Variants in CHST9 observed in about 807,000 individuals in gnomAD.
The protein encoded by CHST9 is GalNAc-4-sulfotransferase 2.
CHST9 carries 41 observed loss-of-function variants against 44.4 expected under a neutral mutation model. The ratio of observed to expected loss-of-function variants is 0.92; its 90% confidence interval spans 0.72 to 1.20. The LOEUF is 1.20. CHST9 is among the 50% of genes most tolerant of loss of function. CHST9 has a pLI of 0.00. For synonymous variants in CHST9, 171 were observed against 178.4 expected (o/e 0.96, Z 0.33); for missense variants, 504 against 516.5 (o/e 0.98, Z 0.23).
At chr18:27,024,761 T>G in intron 3 of CHST9, among the ~76,000 whole-genome samples, 1 of 152,132 alleles carries the variant, frequency 6.6e-6, no homozygotes, top group East Asian at 1.9e-4. Flanking sequence ...ATATTTAAAT[T>G]ATCCAGAACG....
chr18:27,000,945 C>T (rs1941113), intron 4 of CHST9, among the ~76,000 whole-genome samples: 44,695 of 151,922 alleles, frequency 0.29, 7,842 homozygotes, highest in African/African-American at 0.49. Context: ...TTAGAACAAA[C>T]GGAAGTTCTA....
At chr18:26,962,678 G>A (rs2056415515) in intron 4 of CHST9, among the ~76,000 whole-genome samples, 1 of 152,288 alleles carries the variant, frequency 6.6e-6, no homozygotes, top group South Asian at 2.1e-4. Context: ...CTGATAGTTG[G>A]TGCCTTTCAC....
intron 1 of CHST9, among the ~76,000 whole-genome samples, chr18:27,156,647 G>A (rs1209772198): frequency 6.6e-6 from 1 of 152,080 alleles, no homozygotes; most frequent in Admixed American, 6.5e-5. Context: ...AAAACGAGCA[G>A]CATTTAAGAG....
intron 2 of CHST9, among the ~76,000 whole-genome samples, chr18:27,063,859 C>A (rs1052232746): frequency 6.2e-5 from 9 of 144,228 alleles, no homozygotes; most frequent in Non-Finnish European, 6.1e-5. Flanking sequence ...GTATTCAAAT[C>A]TGGGTGAGGG....
At chr18:26,966,534 C>T (rs2056466965) in intron 4 of CHST9, among the ~76,000 whole-genome samples, 1 of 152,168 alleles carries the variant, frequency 6.6e-6, no homozygotes, top group South Asian at 2.1e-4. Context: ...ATTTAAACGT[C>T]TTTGATGAAA....
At chr18:27,015,071 T>A (rs375262482) in intron 4 of CHST9, among the ~76,000 whole-genome samples, 39 of 152,308 alleles carry the variant, frequency 2.6e-4, no homozygotes, top group African/African-American at 5.1e-4. Context: ...AGCCTCTTCC[T>A]AAAACTAGGT....
At chr18:26,970,105 G>A (rs1345655384) in intron 4 of CHST9, among the ~76,000 whole-genome samples, 1 of 152,134 alleles carries the variant, frequency 6.6e-6, no homozygotes, top group Admixed American at 6.5e-5. Context: ...TGCCCACAGT[G>A]AGATTATCAT....
chr18:26,965,199 C>G (rs543871288), intron 4 of CHST9, among the ~76,000 whole-genome samples: 1 of 152,150 alleles, frequency 6.6e-6, no homozygotes, highest in African/African-American at 2.4e-5. Context: ...ATGTGAGTGT[C>G]CCCTGGCTGG....
At chr18:27,141,994 C>A (rs1215167372) in intron 2 of CHST9, among the ~76,000 whole-genome samples, 1 of 152,096 alleles carries the variant, frequency 6.6e-6, no homozygotes, top group Non-Finnish European at 1.5e-5. Context: ...GCAGCAATTG[C>A]AAATTGAAAG....
intron 2 of CHST9, among the ~76,000 whole-genome samples, chr18:27,070,960 C>A (rs1014028367): frequency 6.6e-6 from 1 of 152,168 alleles, no homozygotes; most frequent in African/African-American, 2.4e-5. Context: ...CCCCCCAGTA[C>A]CCCACAGGGT....
chr18:27,028,593 G>C (rs1430646117), intron 3 of CHST9, among the ~76,000 whole-genome samples: 1 of 152,022 alleles, frequency 6.6e-6, no homozygotes, highest in Non-Finnish European at 1.5e-5. Flanking sequence ...AGTCGCCCAG[G>C]CTGGAGTGCA....
chr18:26,995,046 C>G (rs1239398423), intron 4 of CHST9, among the ~76,000 whole-genome samples: 1 of 151,750 alleles, frequency 6.6e-6, no homozygotes, highest in Non-Finnish European at 1.5e-5. Flanking sequence ...CTTGGGCAAC[C>G]CTGCGGAGGG....
intron 2 of CHST9, among the ~76,000 whole-genome samples, chr18:27,089,576 G>T (rs1598714834): frequency 6.6e-6 from 1 of 152,118 alleles, no homozygotes; most frequent in Non-Finnish European, 1.5e-5. Flanking sequence ...TTGCTATTGT[G>T]AATAGTGCTG....
In CHST9 at chr18:27,054,005, C is replaced by A. The variant is rs1314656130; in HGVS notation, c.122-5502G>T. On this transcript the variant is annotated intron_variant, in intron 2 of 5. Coordinates refer to ENST00000618847, the MANE Select transcript of CHST9 (RefSeq NM_031422.6). ...TAGCACTAATTCTTATTTTGGTTCA[C>A]AATTAGTTGTGTGTTTGTTTTCCTG... 2.0e-5 allele frequency among the ~76,000 whole-genome samples: 3 copies of A among 152,294 alleles called. No individual in the cohort carries two copies. The South Asian group carries it at 6.2e-4, about 32-fold the overall frequency.
At chr18:26,948,941 T>G (rs1362376137) in intron 4 of CHST9, among the ~76,000 whole-genome samples, 2 of 151,880 alleles carry the variant, frequency 1.3e-5, no homozygotes, top group Non-Finnish European at 2.9e-5. Flanking sequence ...TTAGCAGGTG[T>G]GGGGATGGAA....
intron 2 of CHST9, among the ~76,000 whole-genome samples, chr18:27,050,183 G>C (rs1273925765): frequency 4.6e-5 from 7 of 152,262 alleles, no homozygotes; most frequent in East Asian, 1.9e-4. Context: ...ATGGCTTCTT[G>C]TTTATCAACT....
chr18:27,051,030 T>C (rs1345245857), intron 2 of CHST9, among the ~76,000 whole-genome samples: 1 of 152,182 alleles, frequency 6.6e-6, no homozygotes, highest in Non-Finnish European at 1.5e-5. Flanking sequence ...ATTCACGTCC[T>C]GTGTAATCCC....
chr18:27,119,137 C>A (rs1399640817), intron 2 of CHST9, among the ~76,000 whole-genome samples: 1 of 152,062 alleles, frequency 6.6e-6, no homozygotes, highest in Non-Finnish European at 1.5e-5. Flanking sequence ...AAAAAATTAT[C>A]CAACCACATT....
chr18:26,989,382 C>T (rs537112840), intron 4 of CHST9, among the ~76,000 whole-genome samples: 63 of 152,052 alleles, frequency 4.1e-4, no homozygotes, highest in Middle Eastern at 3.4e-3. Flanking sequence ...CATGATATAC[C>T]CCTACATACC....
Sources: allele counts gnomAD v4.1 joint callset (sites outside exome capture counted in the v4.1 genomes callset), GRCh38; gene constraint gnomAD v4.1.1; transcripts MANE v1.5; gene names NCBI Gene and HGNC (gene_info 2026-07-23, HGNC 2026-07-21).